GLI2: variants seen among roughly 807,000 people sequenced by gnomAD.
GLI2 encodes GLI family zinc finger 2, also known as transcription activator GLI2.
Under a neutral mutation model 78.9 loss-of-function variants are expected in GLI2, and 22 were observed. The observed-to-expected ratio is 0.28, with a 90% confidence interval of 0.20 to 0.40. The LOEUF (loss-of-function observed/expected upper bound fraction) is 0.40. Among genes scored for constraint, GLI2 ranks in the 10% least tolerant of loss-of-function variants. GLI2 has a pLI of 1.00. For synonymous variants in GLI2, 974 were observed against 963.7 expected (o/e 1.01, Z -0.20); for missense variants, 2,097 against 2,213.2 (o/e 0.95, Z 1.05).
chr2:120,988,155 AG>A, intron 13 of GLI2, 52 bp from the exon 14 acceptor site: 1 of 1,514,860 alleles, frequency 6.6e-7, no homozygotes, highest in Non-Finnish European at 8.9e-7. Flanking sequence ...GCACGGTCAA[AG>A]CAAGCAGCCA....
At chr2:120,865,898 C>A (rs892785370) in intron 2 of GLI2, among the ~76,000 whole-genome samples, 1 of 152,230 alleles carries the variant, frequency 6.6e-6, no homozygotes, top group East Asian at 1.9e-4. Context: ...ACCTGGCACC[C>A]CCCCTGTTCA....
intron 2 of GLI2, among the ~76,000 whole-genome samples, chr2:120,839,712 G>A (rs1417703834): frequency 2.0e-5 from 3 of 152,132 alleles, no homozygotes; most frequent in Non-Finnish European, 2.9e-5. Flanking sequence ...ACAGGCGTGC[G>A]CAACCACACC....
chr2:120,874,083 C>T (rs532908220), intron 2 of GLI2, among the ~76,000 whole-genome samples: 174 of 152,246 alleles, frequency 1.1e-3, no homozygotes, highest in African/African-American at 4.0e-3. Context: ...GCCTCCTCCT[C>T]ACCCCAGAGG....
chr2:120,867,546 C>G (rs1688202193), intron 2 of GLI2: 1 of 152,308 alleles, frequency 6.6e-6, no homozygotes, highest in African/African-American at 2.4e-5. Flanking sequence ...AGTGCCCTCC[C>G]CGCACCGCCG....
intron 3 of GLI2, among the ~76,000 whole-genome samples, chr2:120,945,562 G>A (rs1048815195): frequency 2.0e-5 from 3 of 152,182 alleles, no homozygotes; most frequent in African/African-American, 7.2e-5. Flanking sequence ...GTCAAGAAAT[G>A]TCTTAGCTCA....
intron 1 of GLI2, among the ~76,000 whole-genome samples, chr2:120,787,823 A>G (rs1684040197): frequency 6.6e-6 from 1 of 152,182 alleles, no homozygotes; most frequent in African/African-American, 2.4e-5. Context: ...AGGGCTCTCC[A>G]GGGAGGAAGG....
chr2:120,737,581 G>A lies in GLI2; in HGVS notation c.-31+1296G>A, dbSNP rs1275316001. Among the ~76,000 whole-genome samples, 1 of 152,180 alleles carries A rather than the reference G, an allele frequency of 6.6e-6. No individual in the cohort carries two copies. The highest frequency in any genetic ancestry group is 1.5e-5 in the Non-Finnish European group (1 of 68,034). On this transcript the variant is annotated intron_variant, in intron 1 of 13. Transcript: ENST00000361492. The surrounding 1 kb of genome is among the most constrained non-coding windows in gnomAD (Gnocchi z 4.3). Reference sequence around the variant, plus strand: ...CCAGCCCGGGCATCCCGCTCGGTGCGCGACCTCTGGCACGGGCTTTGCAGC... The same window carrying A: ...CCAGCCCGGGCATCCCGCTCGGTGCACGACCTCTGGCACGGGCTTTGCAGC...
At chr2:120,855,843 C>T (rs923188731) in intron 2 of GLI2, among the ~76,000 whole-genome samples, 1 of 152,170 alleles carries the variant, frequency 6.6e-6, no homozygotes, top group Non-Finnish European at 1.5e-5. Context: ...CTCTCTGACC[C>T]TGGGCCTCTG....
intron 2 of GLI2, among the ~76,000 whole-genome samples, chr2:120,875,670 C>T (rs1020778742): frequency 6.6e-6 from 1 of 152,144 alleles, no homozygotes; most frequent in African/African-American, 2.4e-5. Flanking sequence ...GTGTTATTAC[C>T]TATAAATTCT....
intron 2 of GLI2, among the ~76,000 whole-genome samples, chr2:120,874,652 C>T (rs1235223057): frequency 2.6e-5 from 4 of 152,162 alleles, no homozygotes; most frequent in Non-Finnish European, 5.9e-5. Context: ...ATTGTTTTCT[C>T]GGGGCTGAAA....
chr2:120,738,531 T>G (rs1474529772), intron 1 of GLI2, among the ~76,000 whole-genome samples: 2 of 152,206 alleles, frequency 1.3e-5, no homozygotes, highest in Non-Finnish European at 2.9e-5. Context: ...TTTAAGCTAA[T>G]ACAGGGAAGA....
In GLI2 at chr2:120,951,473, G is replaced by A. The variant is rs756762058; in HGVS notation, c.457+28G>A. ...GAGTAGGGTGTGGGGATGGGGAGGG[G>A]CAGCTAGGGCACTGGGGCAGGGCGC... is the stretch of plus-strand genomic sequence containing the variant. On this transcript the variant is annotated intron_variant, in intron 4 of 13. Coordinates refer to ENST00000361492, the MANE Select transcript of GLI2 (RefSeq NM_001374353.1). 20 of 1,462,988 alleles carry A rather than the reference G, an allele frequency of 1.4e-5. No individual in the cohort carries two copies. In the Admixed American group the frequency reaches 2.1e-4, roughly 15 times the overall value. 90.6% of individuals were successfully genotyped at this position (1,462,988 alleles called of 1,614,324 possible). A position where few individuals can be genotyped will look rare whatever the true frequency, so the allele number is the denominator to read the frequency against.
At chr2:120,965,574 G>A (rs1266000752) in intron 5 of GLI2, among the ~76,000 whole-genome samples, 69 of 141,180 alleles carry the variant, frequency 4.9e-4, no homozygotes, top group African/African-American at 1.9e-3. Context: ...CTGCGGCAGA[G>A]GGGCACGCTC....
chr2:120,782,775 G>A (rs867590217), intron 1 of GLI2, among the ~76,000 whole-genome samples: 8 of 152,234 alleles, frequency 5.3e-5, no homozygotes, highest in South Asian at 4.1e-4. Flanking sequence ...ACTGGCCACC[G>A]CTGGCGCAAT....
chr2:120,936,072 G>A (rs560358773), intron 3 of GLI2, among the ~76,000 whole-genome samples: 45 of 152,214 alleles, frequency 3.0e-4, no homozygotes, highest in African/African-American at 1.0e-3. Context: ...GTCCCTCGGG[G>A]TCCCCACTGT....
chr2:120,889,082 A>G (rs1292405025), intron 2 of GLI2, among the ~76,000 whole-genome samples: 1 of 152,166 alleles, frequency 6.6e-6, no homozygotes, highest in Non-Finnish European at 1.5e-5. Flanking sequence ...AGGACCGCGG[A>G]GAAACAGAAC....
rs550737622 is a variant in GLI2, at chr2:120,843,620, T to G, written c.148+46152T>G. ...GCAGGGCAGCTGGGACTCTGCAGGTTCCACGGGCGTCAGAGGGGCTCTGGA... is the reference window on the plus strand; with the variant it reads ...GCAGGGCAGCTGGGACTCTGCAGGTGCCACGGGCGTCAGAGGGGCTCTGGA... On this transcript the variant is annotated intron_variant, in intron 2 of 13. Coordinates refer to ENST00000361492, the MANE Select transcript of GLI2 (RefSeq NM_001374353.1). Among the ~76,000 whole-genome samples, 80 of 152,316 alleles carry G rather than the reference T, an allele frequency of 5.3e-4. 1 individual carries two copies. Among genetic ancestry groups the G allele is most frequent in the African/African-American group, 1.5e-3 (61 of 41,572 alleles).
At chr2:120,826,224 CA>C (rs1172065524) in intron 2 of GLI2, among the ~76,000 whole-genome samples, 2 of 152,162 alleles carry the variant, frequency 1.3e-5, no homozygotes, top group East Asian at 3.8e-4. Flanking sequence ...GAAGCTGAGA[CA>C]GAGAGGGGCT....
chr2:120,854,564 A>T (rs1687558146), intron 2 of GLI2, among the ~76,000 whole-genome samples: 1 of 152,220 alleles, frequency 6.6e-6, no homozygotes, highest in Non-Finnish European at 1.5e-5. Flanking sequence ...CTACAGCTGC[A>T]GAAGGGGTCG....
Sources: gnomAD v4.1 joint callset for allele counts (sites outside exome capture counted in the v4.1 genomes callset) on GRCh38, gnomAD v4.1.1 for gene constraint, Gnocchi (gnomAD v3.1) non-coding constraint, MANE v1.5 for transcripts, NCBI Gene and HGNC (gene_info 2026-07-23, HGNC 2026-07-21) for gene names.